FBXO42: variants seen among roughly 807,000 people sequenced by gnomAD.
The protein encoded by FBXO42 is F-box only protein 42.
Under a neutral mutation model 71.7 loss-of-function variants are expected in FBXO42, and 12 were observed. That is an observed-to-expected ratio of 0.17 (90% confidence interval 0.11 to 0.27). The LOEUF (loss-of-function observed/expected upper bound fraction) is 0.27. Among genes scored for constraint, FBXO42 ranks in the 10% least tolerant of loss-of-function variants. The probability of loss-of-function intolerance (pLI) is 1.00; values close to 1 mark genes in which losing one functional copy is unlikely to be tolerated. For missense variants in FBXO42, 707 were observed against 911.9 expected, an observed-to-expected ratio of 0.78 and a Z score of 2.89; for synonymous variants, 325 against 327.5, an observed-to-expected ratio of 0.99 and a Z score of 0.08.
chr1:16,270,408 T>A (rs1171867997), intron 4 of FBXO42, among the ~76,000 whole-genome samples: 1 of 152,076 alleles, frequency 6.6e-6, no homozygotes, highest in East Asian at 1.9e-4. Flanking sequence ...ACAATTTAAT[T>A]AGGCCTAACA....
rs1553154827 is a variant in FBXO42, at chr1:16,326,040, G to GTGTGTC, written c.-17-10606_-17-10605insGACACA. ...TGTGTGTGTGTGTGTGTGTGTGTGT[G>GTGTGTC]TGTGTGTGTCTGTGTGTGTCTGTGT... On this transcript the variant is annotated intron_variant, in intron 1 of 9. Coordinates refer to ENST00000375592, the MANE Select transcript of FBXO42 (RefSeq NM_018994.3). 8.6e-3 allele frequency among the ~76,000 whole-genome samples: 1,293 copies of GTGTGTC among 150,376 alleles called. 12 individuals are homozygous for GTGTGTC. The highest frequency in any genetic ancestry group is 0.01 in the Non-Finnish European group (697 of 67,620).
chr1:16,253,126 T>G lies in FBXO42; in HGVS notation c.891A>C (p.Leu297Phe). ...SQIVIDDATILILGGCGGPNA... is the reference protein window; with the variant it reads ...SQIVIDDATIFILGGCGGPNA... ...TGGGACCGCCACACCCTCCGAGGAT[T>G]AAGATAGTTGCATCATCTATGACAA... The change falls in exon 8 of 10, where the codon TTA becomes TTC. Residue 297 changes from leucine (L) to phenylalanine (F), a missense_variant. By Grantham distance (22) the Leu-to-Phe change is conservative. Transcript: ENST00000375592. The G allele has an allele frequency of 6.2e-7, 1 of 1,613,778 alleles. No homozygotes were observed. The highest frequency in any genetic ancestry group is 8.5e-7 in the Non-Finnish European group (1 of 1,179,904).
At chr1:16,259,758 T>A in intron 4 of FBXO42, among the ~76,000 whole-genome samples, 1 of 137,444 alleles carries the variant, frequency 7.3e-6, no homozygotes, top group Non-Finnish European at 1.5e-5. Flanking sequence ...AGAGCAAGAC[T>A]CTGTCTCAAA....
rs999335446 is a variant in FBXO42 at position 16,281,242 on chromosome 1, G to A, written c.502+13541C>T. On this transcript the variant is annotated intron_variant, in intron 4 of 9. Coordinates refer to ENST00000375592, the MANE Select transcript of FBXO42 (RefSeq NM_018994.3). ...CTCCCAAAGTGCTGGGATTACAGGC[G>A]TGAGCCGCAATGCCCTGCCTCGGTT... 3.9e-5 allele frequency among the ~76,000 whole-genome samples: 6 copies of A among 152,268 alleles called. No homozygotes were observed. The East Asian group carries it at 5.8e-4, about 15-fold the overall frequency.
At chr1:16,256,253 C>A (rs1277603574) in intron 5 of FBXO42, among the ~76,000 whole-genome samples, 1 of 152,126 alleles carries the variant, frequency 6.6e-6, no homozygotes, top group Admixed American at 6.5e-5. Context: ...CTTGGAGACA[C>A]AGTTAGGAGT....
intron 6 of FBXO42, among the ~76,000 whole-genome samples, chr1:16,254,102 C>T (rs1476355908): frequency 2.0e-5 from 3 of 152,224 alleles, no homozygotes; most frequent in Non-Finnish European, 4.4e-5. Context: ...TAGGCTGTAT[C>T]TTTCTTCCCC....
Position 16,250,904 on chromosome 1 carries a change from G to A in FBXO42, c.1920C>T (p.Asn640=), listed in dbSNP as rs1286691933. ...NVGKPLYQSM[N]CKPMQMYVLD... ...GCACGTACATCTGCATGGGCTTGCA[G>A]TTCATACTCTGGTATAGGGGTTTGC... Residue 640 remains asparagine, a synonymous_variant, in exon 10 of 10, where the codon AAC becomes AAT. Transcript: ENST00000375592. The surrounding 1 kb of genome is among the most constrained non-coding windows in gnomAD (Gnocchi z 4.7). 6.2e-7 allele frequency: 1 copy of A among 1,614,168 alleles called. No individual in the cohort carries two copies. The highest frequency in any genetic ancestry group is 1.6e-4 in the Middle Eastern group (1 of 6,062).
rs1366539275 is a variant in FBXO42 at position 16,255,836 on chromosome 1, CAGG to C, written c.657-18_657-16del. 6.3e-7 allele frequency: 1 copy of C among 1,594,132 alleles called. No homozygotes were observed. The highest frequency in any genetic ancestry group is 8.6e-7 in the Non-Finnish European group (1 of 1,166,478). Reference sequence around the variant, plus strand: ...TGCAGTTCCACCTAATGTAAAAAGACAGGAGGAAGTCAAGAAGTCAGCACCACA... The same window carrying C: ...TGCAGTTCCACCTAATGTAAAAAGACAGGAAGTCAAGAAGTCAGCACCACA... On this transcript the variant is annotated splice_polypyrimidine_tract_variant and intron_variant, in intron 5 of 9. Transcript: ENST00000375592.
chr1:16,310,771 A>T (rs2082304975), intron 2 of FBXO42, among the ~76,000 whole-genome samples: 1 of 151,984 alleles, frequency 6.6e-6, no homozygotes, highest in African/African-American at 2.4e-5. Context: ...GCTCAAATAA[A>T]TTAAATATTA....
intron 4 of FBXO42, among the ~76,000 whole-genome samples, chr1:16,272,154 CAAAAAAAAAAAAAAA>C (rs999974704): frequency 2.8e-3 from 127 of 44,658 alleles, no homozygotes; most frequent in African/African-American, 0.011. Flanking sequence ...GACTCCGTCC[CAAAAAAAAAAAAAAA>C]AAAAAAGTCC....
intron 1 of FBXO42, among the ~76,000 whole-genome samples, chr1:16,343,913 G>A (rs1326240012): frequency 2.0e-5 from 3 of 151,036 alleles, no homozygotes; most frequent in Admixed American, 6.6e-5. Context: ...AGGAGATTGG[G>A]GCTGCATTGA....
At chr1:16,332,366 A>AAT (rs1262542046) in intron 1 of FBXO42, among the ~76,000 whole-genome samples, 1 of 152,136 alleles carries the variant, frequency 6.6e-6, no homozygotes, top group African/African-American at 2.4e-5. Context: ...AGGAAGATTA[A>AAT]ATATATCTAT....
At chr1:16,264,399 T>C (rs1424560353) in intron 4 of FBXO42, among the ~76,000 whole-genome samples, 1 of 152,198 alleles carries the variant, frequency 6.6e-6, no homozygotes, top group Non-Finnish European at 1.5e-5. Flanking sequence ...AGAACACTTA[T>C]AAAATGAAGG....
chr1:16,325,114 T>TG (rs2100595973), intron 1 of FBXO42, among the ~76,000 whole-genome samples: 1 of 152,098 alleles, frequency 6.6e-6, no homozygotes, highest in Admixed American at 6.6e-5. Context: ...AGTGCAAACC[T>TG]GTTGTCCCAG....
chr1:16,296,649 CAAA>C (rs58537213), intron 3 of FBXO42, among the ~76,000 whole-genome samples: 3 of 91,332 alleles, frequency 3.3e-5, no homozygotes, highest in Admixed American at 1.3e-4. Flanking sequence ...GACTCCATCT[CAAA>C]AAAAAAAAAA....
intron 1 of FBXO42, among the ~76,000 whole-genome samples, chr1:16,347,125 T>C (rs1056783283): frequency 1.3e-5 from 2 of 152,166 alleles, no homozygotes; most frequent in Non-Finnish European, 2.9e-5. Context: ...AGTGTACATA[T>C]ATAAATACAC....
intron 4 of FBXO42, among the ~76,000 whole-genome samples, chr1:16,282,997 T>G (rs114631660): frequency 0.084 from 12,153 of 145,116 alleles, 687 homozygotes; most frequent in Non-Finnish European, 0.13. Context: ...AAAAAAAAAA[T>G]GCTGATCCAC....
intron 4 of FBXO42, among the ~76,000 whole-genome samples, chr1:16,285,011 T>G (rs2082007277): frequency 6.6e-6 from 1 of 150,920 alleles, no homozygotes. Context: ...CCGGGCGTGG[T>G]GGCACGTGCC....
At chr1:16,318,715 T>C (rs944692309) in intron 1 of FBXO42, among the ~76,000 whole-genome samples, 1 of 152,262 alleles carries the variant, frequency 6.6e-6, no homozygotes, top group East Asian at 1.9e-4. Context: ...AAAAGTTTAA[T>C]GGGAAGTAAC....
Sources: gnomAD v4.1 joint callset for allele counts (sites outside exome capture counted in the v4.1 genomes callset) on GRCh38, gnomAD v4.1.1 for gene constraint, Gnocchi (gnomAD v3.1) non-coding constraint, MANE v1.5 for transcripts, NCBI Gene and HGNC (gene_info 2026-07-23, HGNC 2026-07-21) for gene names.